Variants in P2RX7 observed in about 807,000 individuals in gnomAD.
P2RX7 encodes the protein purinergic receptor P2X 7, also known as P2X purinoceptor 7.
In P2RX7, 62 loss-of-function variants were observed where a neutral mutation model predicts 71.6. The observed-to-expected ratio is 0.87, with a 90% CI of 0.71 to 1.07. P2RX7 has a LOEUF of 1.07. Ranked by LOEUF, P2RX7 falls within the 50% of genes least tolerant of loss-of-function variation. The pLI, the probability that P2RX7 is intolerant of heterozygous loss-of-function variation, is 0.00. For missense variants in P2RX7, 686 were observed against 748.5 expected (o/e 0.92, Z 0.97); for synonymous variants, 299 against 283.3 (o/e 1.06, Z -0.56).
chr12:121,184,759 C>G lies in P2RX7; in HGVS notation c.1745C>G (p.Pro582Arg). The G allele has an allele frequency of 6.4e-7, 1 of 1,553,440 alleles. No individual in the cohort carries two copies. The highest frequency in any genetic ancestry group is 8.7e-7 in the Non-Finnish European group (1 of 1,148,108). The change falls in exon 13 of 13, where the codon CCG (proline) becomes CGG (arginine). Residue 582 changes from proline to arginine, a missense_variant. Pro to Arg is a moderately radical substitution (Grantham distance 103). Transcript: ENST00000328963. ...CCRWRIRKEF[P>R]KSEGQYSGFK... ...CGCTGGAGGATCCGGAAAGAGTTTC[C>G]GAAGAGTGAAGGGCAGTACAGTGGC...
At position 121,133,177 on chromosome 12, in the gene P2RX7, T is replaced by C. The variant is rs908992659; in HGVS notation, c.125+82T>C. ...CCCAGCGGGCAGCTTCAGGTGCACA[T>C]TCTGAATCTCACATGGTTTTCGAAT... On this transcript the variant is annotated intron_variant, in intron 1 of 12. Coordinates refer to ENST00000328963, the MANE Select transcript of P2RX7 (RefSeq NM_002562.6). 4.7e-6 allele frequency: 7 copies of C among 1,486,704 alleles called. No homozygotes were observed. In the Admixed American group the frequency reaches 6.7e-5, roughly 14 times the overall value. 92.1% of individuals were successfully genotyped at this position (1,486,704 alleles called of 1,614,324 possible).
At chr12:121,140,702 TG>T in intron 1 of P2RX7, among the ~76,000 whole-genome samples, 1 of 152,102 alleles carries the variant, frequency 6.6e-6, no homozygotes, top group East Asian at 1.9e-4. Flanking sequence ...CAGGCAAAGG[TG>T]GAGACTGCCG....
chr12:121,180,855 T>G (rs1391986763), intron 12 of P2RX7, among the ~76,000 whole-genome samples: 1 of 151,318 alleles, frequency 6.6e-6, no homozygotes, highest in Non-Finnish European at 1.5e-5. Flanking sequence ...TCCCAGCTAC[T>G]CAGAAGGCTG....
At position 121,177,486 on chromosome 12, in the gene P2RX7, G is replaced by C. The variant is rs200485794; in HGVS notation, c.1188+40G>C. ...TTCACAGGACACCAAGACATGGAGA[G>C]ATTCCATGAAATCACTCAGAAATGC... On this transcript the variant is annotated intron_variant, in intron 11 of 12. Coordinates refer to ENST00000328963, the MANE Select transcript of P2RX7 (RefSeq NM_002562.6). 2.1e-5 allele frequency: 34 copies of C among 1,590,698 alleles called. No individual in the cohort carries two copies. In the Admixed American group the frequency reaches 4.0e-4, roughly 19 times the overall value.
chr12:121,177,658 T>A (rs942613308), intron 11 of P2RX7, among the ~76,000 whole-genome samples: 1 of 152,040 alleles, frequency 6.6e-6, no homozygotes, highest in Admixed American at 6.6e-5. Context: ...GGAAGGCAAA[T>A]TTTTATGTCT....
At chr12:121,137,754 T>G (rs2135977570) in intron 1 of P2RX7, among the ~76,000 whole-genome samples, 1 of 152,324 alleles carries the variant, frequency 6.6e-6, no homozygotes, top group African/African-American at 2.4e-5. Flanking sequence ...GAATGTATTT[T>G]GCATCAAGTA....
intron 8 of P2RX7, among the ~76,000 whole-genome samples, chr12:121,169,377 C>T (rs1881727221): frequency 6.6e-6 from 1 of 152,206 alleles, no homozygotes; most frequent in Admixed American, 6.6e-5. Context: ...GTCCATTCTA[C>T]TGTATCATTC....
chr12:121,155,407 A>G lies in P2RX7; in HGVS notation c.294+454A>G, dbSNP rs763247282. The G allele has an allele frequency of 3.1e-5, 40 of 1,289,996 alleles. No individual in the cohort carries two copies. The Middle Eastern group carries it at 8.5e-4, about 27-fold the overall frequency. The allele number at this position is 1,289,996 out of a possible 1,614,324, so 79.9% of individuals were successfully genotyped here. A position where few individuals can be genotyped will look rare whatever the true frequency, so the allele number is the denominator to read the frequency against. On this transcript the variant is annotated intron_variant, in intron 2 of 12. Coordinates refer to ENST00000328963, the MANE Select transcript of P2RX7 (RefSeq NM_002562.6). The stretch of plus-strand genomic sequence containing the variant: ...TTTCCACAAAGAAAGGATGTAAATG[A>G]CAAAAAGAAGAAAGGCATCGGTCAC...
chr12:121,135,563 G>T lies in P2RX7; in HGVS notation c.125+2468G>T, dbSNP rs544079194. 2.0e-5 allele frequency among the ~76,000 whole-genome samples: 3 copies of T among 152,028 alleles called. 1 individual carries two copies. The highest frequency in any genetic ancestry group is 7.2e-5 in the African/African-American group (3 of 41,478). On this transcript the variant is annotated intron_variant, in intron 1 of 12. Transcript: ENST00000328963. ...AGAATTGTTGATAGGAATATTAAAT[G>T]AACTAATAAATGCAAAGCTGTTTGA...
intron 8 of P2RX7, among the ~76,000 whole-genome samples, chr12:121,171,212 C>T (rs917832903): frequency 2.6e-5 from 4 of 152,154 alleles, no homozygotes; most frequent in South Asian, 2.1e-4. Flanking sequence ...GGGCCACACT[C>T]GCTCTGATGC....
At chr12:121,177,590 A>C in intron 11 of P2RX7, 144 bp downstream of exon 11, 1 of 809,836 alleles carries the variant, frequency 1.2e-6, no homozygotes. Flanking sequence ...ACCAACTCTC[A>C]GATAAATTTT....
rs199972027 is a variant in P2RX7, at chr12:121,160,898, G to A, written c.364-4G>A. 158 of 1,611,674 alleles carry A rather than the reference G, an allele frequency of 9.8e-5. No individual in the cohort carries two copies. Among genetic ancestry groups the A allele is most frequent in the Non-Finnish European group, 1.2e-4 (144 of 1,177,876 alleles). ...TCCCCACTCTGTCATCCTTCTATCT[G>A]CAGTATCCCACCCGCAGGACGCTCT... On this transcript the variant is annotated splice_region_variant and splice_polypyrimidine_tract_variant and intron_variant, in intron 3 of 12. Coordinates refer to ENST00000328963, the MANE Select transcript of P2RX7 (RefSeq NM_002562.6).
intron 12 of P2RX7, among the ~76,000 whole-genome samples, chr12:121,183,842 C>T (rs1009929882): frequency 2.6e-5 from 4 of 152,140 alleles, no homozygotes; most frequent in Non-Finnish European, 5.9e-5. Context: ...GCAGGTGGAT[C>T]ACCTGAGGTC....
intron 8 of P2RX7, among the ~76,000 whole-genome samples, chr12:121,170,490 G>A (rs528050872): frequency 4.6e-5 from 7 of 152,234 alleles, no homozygotes; most frequent in Non-Finnish European, 8.8e-5. Context: ...ATAAATTGTT[G>A]AGGGCCGGGA....
intron 4 of P2RX7, chr12:121,162,136 C>A: frequency 1.3e-6 from 1 of 753,632 alleles, no homozygotes; most frequent in Non-Finnish European, 1.8e-6. Context: ...GAGCATACAC[C>A]TGTTCCGCTC....
At chr12:121,170,032 G>A (rs1881859721) in intron 8 of P2RX7, among the ~76,000 whole-genome samples, 2 of 152,130 alleles carry the variant, frequency 1.3e-5, no homozygotes, top group Non-Finnish European at 2.9e-5. Flanking sequence ...ACTCATTTCT[G>A]TCATCTGCCT....
At chr12:121,167,728 G>C (rs1881387152) in intron 8 of P2RX7, 104 bp downstream of exon 8, 1 of 1,036,282 alleles carries the variant, frequency 9.6e-7, no homozygotes, top group Non-Finnish European at 1.3e-6. Context: ...AATGAAAAAA[G>C]ACTTTCTCTA....
At chr12:121,174,068 GA>G (rs1208439605) in intron 8 of P2RX7, among the ~76,000 whole-genome samples, 2 of 40,902 alleles carry the variant, frequency 4.9e-5, no homozygotes, top group Admixed American at 2.5e-4. Flanking sequence ...TTTTTTTTTT[GA>G]GACAGTCTTG....
chr12:121,154,206 C>G lies in P2RX7; in HGVS notation c.126-579C>G, dbSNP rs1878091916. Among the ~76,000 whole-genome samples the G allele has an allele frequency of 6.6e-6, 1 of 151,736 alleles. No homozygotes were observed. The highest frequency in any genetic ancestry group is 2.4e-5 in the African/African-American group (1 of 41,312). On this transcript the variant is annotated intron_variant, in intron 1 of 12. Transcript: ENST00000328963. The surrounding 1 kb of genome is among the most constrained non-coding windows in gnomAD (Gnocchi z 4.2). ...TTGGGAGGCTGAGGCAGGAGAATCACTTGAACCTGGGAGGTGGAAGTTGCA... is the reference window on the plus strand; with the variant it reads ...TTGGGAGGCTGAGGCAGGAGAATCAGTTGAACCTGGGAGGTGGAAGTTGCA...
Sources: gnomAD v4.1 joint callset for allele counts (sites outside exome capture counted in the v4.1 genomes callset) on GRCh38, gnomAD v4.1.1 for gene constraint, Gnocchi (gnomAD v3.1) non-coding constraint, MANE v1.5 for transcripts, NCBI Gene and HGNC (gene_info 2026-07-23, HGNC 2026-07-21) for gene names.